Variants in SMC6 observed in about 807,000 individuals in gnomAD.
SMC6 encodes the protein structural maintenance of chromosomes 6, also known as structural maintenance of chromosomes protein 6.
Under a neutral mutation model 142.2 loss-of-function variants are expected in SMC6, and 79 were observed. The observed-to-expected ratio is 0.56, with a 90% CI of 0.46 to 0.67. The LOEUF is 0.67. Ranked by LOEUF, SMC6 falls within the 30% of genes least tolerant of loss-of-function variation. The pLI, the probability that SMC6 is intolerant of heterozygous loss-of-function variation, is 0.00. For missense variants in SMC6, 1,072 were observed against 1,284.0 expected (o/e 0.83, Z 2.52); for synonymous variants, 411 against 412.4 (o/e 1.00, Z 0.04).
chr2:17,731,108 C>A lies in SMC6; in HGVS notation c.513G>T (p.Leu171=). The change falls in exon 7 of 28, where the codon CTG becomes CTT. Residue 171 remains leucine (L), a synonymous_variant. Transcript: ENST00000448223. The stretch of plus-strand genomic sequence containing the variant: ...TGTTAAAATGATCAAGAATTGCAAT[C>A]AGCTCTTCTTTCCTCGTGGAAACCA... ...GSVVSTRKEE[L]IAILDHFNIQ... 2 of 1,612,802 alleles carry A rather than the reference C, an allele frequency of 1.2e-6. No individual in the cohort carries two copies. Among genetic ancestry groups the A allele is most frequent in the Non-Finnish European group, 1.7e-6 (2 of 1,179,426 alleles).
At chr2:17,688,596 C>T (rs142585892) in intron 23 of SMC6, among the ~76,000 whole-genome samples, 274 of 151,976 alleles carry the variant, frequency 1.8e-3, no homozygotes, top group African/African-American at 6.0e-3. Context: ...AAACATGGAC[C>T]GTAAATGACT....
At chr2:17,716,990 C>A in intron 13 of SMC6, 85 bp from the exon 14 acceptor site, 2 of 1,514,268 alleles carry the variant, frequency 1.3e-6, no homozygotes, top group Non-Finnish European at 8.9e-7. Flanking sequence ...TAATAAAATT[C>A]CATTAACAAC....
intron 5 of SMC6, among the ~76,000 whole-genome samples, chr2:17,737,609 A>C (rs1670220582): frequency 6.6e-6 from 1 of 152,240 alleles, no homozygotes. Context: ...AACCTATGAC[A>C]AAAAGAAATA....
chr2:17,699,600 G>T (rs1409539494), intron 21 of SMC6, among the ~76,000 whole-genome samples: 1 of 151,952 alleles, frequency 6.6e-6, no homozygotes, highest in Non-Finnish European at 1.5e-5. Flanking sequence ...TTCTGTTATA[G>T]TTTCACAGGT....
chr2:17,732,891 A>C (rs900418855), intron 5 of SMC6, among the ~76,000 whole-genome samples: 1 of 152,126 alleles, frequency 6.6e-6, no homozygotes, highest in Non-Finnish European at 1.5e-5. Flanking sequence ...ACAGCCACGC[A>C]TATTTTAAGA....
intron 5 of SMC6, among the ~76,000 whole-genome samples, chr2:17,736,249 T>G (rs544508925): frequency 2.0e-5 from 3 of 152,300 alleles, no homozygotes; most frequent in African/African-American, 7.2e-5. Flanking sequence ...TAACTGTGTT[T>G]TAAAATATAT....
At chr2:17,693,224 A>C (rs1572275951) in intron 23 of SMC6, among the ~76,000 whole-genome samples, 1 of 152,170 alleles carries the variant, frequency 6.6e-6, no homozygotes. Flanking sequence ...GGATTATAAA[A>C]CATGCTGCTA....
intron 18 of SMC6, among the ~76,000 whole-genome samples, chr2:17,705,236 C>A (rs1408524881): frequency 6.6e-6 from 1 of 151,012 alleles, no homozygotes; most frequent in African/African-American, 2.4e-5. Context: ...CCAGCCTGAT[C>A]GACAGAGTGA....
chr2:17,725,318 T>C lies in SMC6; in HGVS notation c.665A>G (p.Asp222Gly). The C allele has an allele frequency of 6.2e-7, 1 of 1,607,656 alleles. No individual in the cohort carries two copies. Among genetic ancestry groups the C allele is most frequent in the Non-Finnish European group, 8.5e-7 (1 of 1,178,628 alleles). ...KATQLEQMKE[D>G]YSYIMETKER... is the part of the protein sequence containing the mutation. ...TTTCGTTTCCATAATGTATGAATAA[T>C]CTTCCTTCATCTGTTCAAGTTGCGT... Residue 222 changes from aspartate (D) to glycine (G), a missense_variant, in exon 9 of 28, where the codon GAT becomes GGT. Physicochemically the swap from Asp to Gly is moderately conservative, Grantham distance 94 (BLOSUM62 -1). Transcript: ENST00000448223.
intron 5 of SMC6, among the ~76,000 whole-genome samples, chr2:17,736,076 A>C (rs2125058266): frequency 6.6e-6 from 1 of 152,342 alleles, no homozygotes; most frequent in South Asian, 2.1e-4. Context: ...CAAAAAAGTG[A>C]TGACAGAATC....
At chr2:17,698,141 G>C (rs1668097289) in intron 21 of SMC6, among the ~76,000 whole-genome samples, 1 of 152,006 alleles carries the variant, frequency 6.6e-6, no homozygotes, top group African/African-American at 2.4e-5. Flanking sequence ...GAACAGGAGA[G>C]AATTGGGAGT....
chr2:17,698,307 G>C (rs1411102338), intron 21 of SMC6, among the ~76,000 whole-genome samples: 2 of 152,014 alleles, frequency 1.3e-5, no homozygotes. Flanking sequence ...ATTAGATCCT[G>C]TTGAGTTTTT....
At chr2:17,695,886 G>C (rs1667962586) in intron 22 of SMC6, among the ~76,000 whole-genome samples, 1 of 152,072 alleles carries the variant, frequency 6.6e-6, no homozygotes, top group African/African-American at 2.4e-5. Flanking sequence ...CTAAACACCG[G>C]GTCACTGCTT....
At chr2:17,719,263 T>C (rs1669254463) in intron 11 of SMC6, among the ~76,000 whole-genome samples, 1 of 152,190 alleles carries the variant, frequency 6.6e-6, no homozygotes, top group African/African-American at 2.4e-5. Context: ...ATAATTCATA[T>C]TATTTTTCAG....
intron 23 of SMC6, among the ~76,000 whole-genome samples, chr2:17,691,264 G>C (rs1346835970): frequency 7.9e-6 from 1 of 126,450 alleles, no homozygotes; most frequent in African/African-American, 2.8e-5. Flanking sequence ...ACACACACCA[G>C]AATACTATTC....
intron 18 of SMC6, among the ~76,000 whole-genome samples, 190 bp from the exon 19 acceptor site, chr2:17,703,482 C>G (rs1451640197): frequency 3.3e-5 from 5 of 152,110 alleles, no homozygotes; most frequent in Non-Finnish European, 7.4e-5. Context: ...AAAAAACATT[C>G]TAAACAGGAA....
chr2:17,715,097 A>T (rs761337947), intron 15 of SMC6, 32 bp from the exon 16 acceptor site: 1 of 1,588,214 alleles, frequency 6.3e-7, no homozygotes, highest in African/African-American at 1.4e-5. Flanking sequence ...AGAAGGGCTC[A>T]TAAATACTTA....
intron 11 of SMC6, among the ~76,000 whole-genome samples, chr2:17,718,494 A>T (rs1259069591): frequency 6.6e-6 from 1 of 152,220 alleles, no homozygotes; most frequent in Non-Finnish European, 1.5e-5. Context: ...ATAATTTAGC[A>T]GAAAAACAGA....
At chr2:17,692,812 A>C (rs1209598115) in intron 23 of SMC6, among the ~76,000 whole-genome samples, 1 of 152,250 alleles carries the variant, frequency 6.6e-6, no homozygotes, top group Non-Finnish European at 1.5e-5. Context: ...CTCATCTGAC[A>C]AAGGGCTAAT....
Sources: gnomAD v4.1 joint callset for allele counts (sites outside exome capture counted in the v4.1 genomes callset) on GRCh38, gnomAD v4.1.1 for gene constraint, MANE v1.5 for transcripts, NCBI Gene and HGNC (gene_info 2026-07-23, HGNC 2026-07-21) for gene names.